STK32A: variants seen among roughly 807,000 people sequenced by gnomAD.
The protein encoded by STK32A is serine/threonine kinase 32A.
STK32A carries 41 observed loss-of-function variants against 53.2 expected under a neutral mutation model. That is an observed-to-expected ratio of 0.77 (90% CI 0.60 to 1.00). The LOEUF is 1.00. STK32A is among the 50% of genes least tolerant of loss of function. The pLI, the probability that STK32A is intolerant of heterozygous loss-of-function variation, is 0.00. For synonymous variants in STK32A, 166 were observed against 162.8 expected (o/e 1.02, Z -0.15); for missense variants, 458 against 485.8 (o/e 0.94, Z 0.54).
At chr5:147,360,278 T>C (rs1756438396) in intron 7 of STK32A, among the ~76,000 whole-genome samples, 1 of 151,702 alleles carries the variant, frequency 6.6e-6, no homozygotes, top group Non-Finnish European at 1.5e-5. Context: ...GGCAAGACCC[T>C]ATCTCTACAA....
At chr5:147,294,458 C>T (rs558691894) in intron 4 of STK32A, among the ~76,000 whole-genome samples, 1 of 152,008 alleles carries the variant, frequency 6.6e-6, no homozygotes, top group Non-Finnish European at 1.5e-5. Flanking sequence ...GACGGGGTTT[C>T]ACCATATTGG....
chr5:147,316,252 G>T (rs1386571887), intron 4 of STK32A, among the ~76,000 whole-genome samples: 1 of 152,168 alleles, frequency 6.6e-6, no homozygotes, highest in African/African-American at 2.4e-5. Flanking sequence ...AATCTTGAAT[G>T]TAAACTGAAA....
intron 11 of STK32A, among the ~76,000 whole-genome samples, chr5:147,376,360 G>A (rs935211173): frequency 1.3e-5 from 2 of 151,982 alleles, no homozygotes; most frequent in African/African-American, 2.4e-5. Context: ...CTTCCCAATG[G>A]TCTGTTCCTC....
At chr5:147,390,760 T>C (rs1259793585), downstream of STK32A, 2 of 152,536 alleles carry the variant, frequency 1.3e-5, no homozygotes, top group Non-Finnish European at 2.9e-5. Context: ...ATTTTAATAT[T>C]ATAGGTGAAA....
chr5:147,394,425 A>G, the STK32A span, among the ~76,000 whole-genome samples: 136 of 152,278 alleles, frequency 8.9e-4, no homozygotes, highest in African/African-American at 3.2e-3. Context: ...GTGGCAGGCA[A>G]TGTTTTCCGT....
intron 5 of STK32A, among the ~76,000 whole-genome samples, chr5:147,331,133 C>T (rs1754850666): frequency 6.6e-6 from 1 of 152,224 alleles, no homozygotes; most frequent in East Asian, 1.9e-4. Flanking sequence ...CCTCAGGTTT[C>T]TGAAGCCTGT....
chr5:147,293,911 A>ATTTTACC (rs150311788), intron 4 of STK32A, among the ~76,000 whole-genome samples: 6 of 151,498 alleles, frequency 4.0e-5, no homozygotes, highest in African/African-American at 1.5e-4. Context: ...AGAATGCCAA[A>ATTTTACC]TTTATATTAG....
At chr5:147,300,052 G>C (rs1242680828) in intron 4 of STK32A, among the ~76,000 whole-genome samples, 51 of 152,122 alleles carry the variant, frequency 3.4e-4, no homozygotes, top group Admixed American at 3.2e-3. Context: ...GACTCAGAGT[G>C]CTAGCATTTC....
chr5:147,240,339 A>G (rs1182735261), intron 2 of STK32A, among the ~76,000 whole-genome samples: 2 of 152,146 alleles, frequency 1.3e-5, no homozygotes, highest in Non-Finnish European at 2.9e-5. Context: ...TGCAGGTGGC[A>G]GCTGTTTATA....
At chr5:147,284,882 G>A (rs770331695) in intron 4 of STK32A, among the ~76,000 whole-genome samples, 1 of 151,962 alleles carries the variant, frequency 6.6e-6, no homozygotes, top group Non-Finnish European at 1.5e-5. Context: ...ACTGCCAAAA[G>A]CAATCTATAA....
chr5:147,373,425 T>G (rs1161949614), intron 10 of STK32A, 131 bp downstream of exon 10: 1 of 1,245,266 alleles, frequency 8.0e-7, no homozygotes, highest in African/African-American at 1.5e-5. Flanking sequence ...ATTTTACAGA[T>G]GAGAGAATTG....
the STK32A span, among the ~76,000 whole-genome samples, chr5:147,398,554 G>A: frequency 2.4e-3 from 359 of 152,220 alleles, no homozygotes; most frequent in African/African-American, 7.2e-3. Flanking sequence ...CAACAGTGTC[G>A]AGCCCGTTTC....
chr5:147,295,542 T>C (rs1353131089), intron 4 of STK32A, among the ~76,000 whole-genome samples: 1 of 152,240 alleles, frequency 6.6e-6, no homozygotes, highest in African/African-American at 2.4e-5. Context: ...TTTACCCAAG[T>C]TATGTGAACT....
intron 4 of STK32A, among the ~76,000 whole-genome samples, chr5:147,313,339 A>G (rs1268110191): frequency 6.6e-6 from 1 of 152,208 alleles, no homozygotes; most frequent in Non-Finnish European, 1.5e-5. Flanking sequence ...CAACCTGAAT[A>G]TTCATCAAGT....
At chr5:147,394,684 A>AC in the STK32A span, among the ~76,000 whole-genome samples, 143 of 92,256 alleles carry the variant, frequency 1.6e-3, 1 homozygote, top group African/African-American at 4.6e-3. Flanking sequence ...AACAACAACA[A>AC]AAAAAAAAAG....
chr5:147,248,201 C>T (rs1426709405), intron 2 of STK32A, among the ~76,000 whole-genome samples: 1 of 151,844 alleles, frequency 6.6e-6, no homozygotes, highest in Non-Finnish European at 1.5e-5. Context: ...TTAGATTTGG[C>T]CCATGGGGCT....
At chr5:147,360,307 C>T (rs192361441) in intron 7 of STK32A, among the ~76,000 whole-genome samples, 2 of 151,162 alleles carry the variant, frequency 1.3e-5, no homozygotes, top group African/African-American at 4.8e-5. Flanking sequence ...AAAATTTTAC[C>T]AAATGTGGTG....
chr5:147,311,517 G>T (rs1341139443), intron 4 of STK32A, among the ~76,000 whole-genome samples: 1 of 152,150 alleles, frequency 6.6e-6, no homozygotes. Flanking sequence ...TATTAATGGT[G>T]ATTATACAAT....
chr5:147,249,908 C>CGAAAAA (rs1554099042), intron 2 of STK32A, among the ~76,000 whole-genome samples: 11 of 58,574 alleles, frequency 1.9e-4, no homozygotes, highest in African/African-American at 6.7e-4. Context: ...GCCTCTGTCT[C>CGAAAAA]AAAAAAAAAA....
Sources: allele counts gnomAD v4.1 joint callset (sites outside exome capture counted in the v4.1 genomes callset), GRCh38; gene constraint gnomAD v4.1.1; transcripts MANE v1.5; gene names NCBI Gene and HGNC (gene_info 2026-07-23, HGNC 2026-07-21).